MNS1: variants seen among roughly 807,000 people sequenced by gnomAD.
MNS1 encodes meiosis-specific nuclear structural protein 1.
A neutral mutation model predicts 72.0 loss-of-function variants in MNS1; 63 were observed. The ratio of observed to expected loss-of-function variants is 0.87; its 90% CI spans 0.71 to 1.08. The LOEUF (loss-of-function observed/expected upper bound fraction) is 1.08, where lower values mean the gene tolerates loss of function less well. Ranked by LOEUF, MNS1 falls within the 50% of genes least tolerant of loss-of-function variation. The pLI is 0.00. For missense variants in MNS1, 604 were observed against 562.4 expected, an observed-to-expected ratio of 1.07 and a Z score of -0.75; for synonymous variants, 188 against 172.1, an observed-to-expected ratio of 1.09 and a Z score of -0.72.
At chr15:56,461,204 C>A (rs12591109) in intron 2 of MNS1, among the ~76,000 whole-genome samples, 8,576 of 151,994 alleles carry the variant, frequency 0.056, 624 homozygotes, top group East Asian at 0.36. Context: ...AAATGCTAAT[C>A]TCATCCAAAA....
Position 56,443,827 on chromosome 15 carries a change from C to A in MNS1, c.714G>T (p.Met238Ile), listed in dbSNP as rs756437668. Residue 238 changes from methionine (M) to isoleucine (I), a missense_variant, in exon 6 of 10, where the codon ATG becomes ATT. Transcript: ENST00000260453. The stretch of plus-strand genomic sequence containing the variant: ...CTTCTATATACCTTCGCATTGCATT[C>A]ATTTTTTCTAACTTTTGTTGTTTTT... Reference protein sequence around the residue: ...QLEKQQKLEKMNAMRRYIEEF... With the variant: ...QLEKQQKLEKINAMRRYIEEF... The A allele has an allele frequency of 5.0e-6, 8 of 1,603,218 alleles. No homozygotes were observed. The Admixed American group carries it at 6.8e-5, about 14-fold the overall frequency.
intron 9 of MNS1, chr15:56,429,848 A>G (rs1215776690): frequency 6.6e-6 from 1 of 152,210 alleles, no homozygotes; most frequent in Non-Finnish European, 1.5e-5. Flanking sequence ...TTGGATATCA[A>G]GTTTATTAAT....
chr15:56,430,332 G>C (rs1158862279), intron 9 of MNS1, among the ~76,000 whole-genome samples: 1 of 152,076 alleles, frequency 6.6e-6, no homozygotes, highest in African/African-American at 2.4e-5. Flanking sequence ...TCAGCCTCCA[G>C]AGTATCTGGG....
Position 56,444,678 on chromosome 15 carries a change from T to A in MNS1, c.457-5A>T. 6.2e-7 allele frequency: 1 copy of A among 1,605,678 alleles called. No homozygotes were observed. Among genetic ancestry groups the A allele is most frequent in the Non-Finnish European group, 8.5e-7 (1 of 1,175,278 alleles). ...GGCTATTTCAGCATCACGTTTCTGTTATTAAAACAAAATTGATCTTTCCGT... is the reference window on the plus strand; with the variant it reads ...GGCTATTTCAGCATCACGTTTCTGTAATTAAAACAAAATTGATCTTTCCGT... On this transcript the variant is annotated splice_polypyrimidine_tract_variant and splice_region_variant and intron_variant, in intron 4 of 9. Coordinates refer to ENST00000260453, the MANE Select transcript of MNS1 (RefSeq NM_018365.4).
At chr15:56,451,186 A>T (rs1374727229) in intron 3 of MNS1, among the ~76,000 whole-genome samples, 1 of 152,208 alleles carries the variant, frequency 6.6e-6, no homozygotes, top group Admixed American at 6.5e-5. Flanking sequence ...GGTAAAACAG[A>T]TAAGTGCCTT....
chr15:56,459,971 CAA>C (rs2051006150), intron 2 of MNS1, among the ~76,000 whole-genome samples: 1 of 72,340 alleles, frequency 1.4e-5, no homozygotes, highest in Non-Finnish European at 2.6e-5. Flanking sequence ...GCCTGGGCAA[CAA>C]GAGCGAAATT....
At chr15:56,447,451 G>GT (rs1364257027) in intron 3 of MNS1, 1 of 151,146 alleles carries the variant, frequency 6.6e-6, no homozygotes, top group African/African-American at 2.5e-5. Flanking sequence ...TAATTATTTG[G>GT]TTTTTTAAAA....
chr15:56,448,777 G>A (rs1197178609), intron 3 of MNS1, among the ~76,000 whole-genome samples: 5 of 141,560 alleles, frequency 3.5e-5, no homozygotes, highest in East Asian at 2.0e-4. Context: ...TTTTGGAGAC[G>A]GAGTCTCGCT....
At chr15:56,435,935 T>G (rs553670933) in intron 7 of MNS1, among the ~76,000 whole-genome samples, 22 of 152,170 alleles carry the variant, frequency 1.4e-4, no homozygotes, top group African/African-American at 4.8e-4. Context: ...ATTAAAAGAA[T>G]TATTCACCAT....
chr15:56,447,212 T>C (rs1481531106), intron 3 of MNS1: 3 of 249,694 alleles, frequency 1.2e-5, no homozygotes, highest in Non-Finnish European at 2.3e-5. Flanking sequence ...TCAACTGCTG[T>C]AAATTATAAT....
intron 7 of MNS1, 42 bp from the exon 8 acceptor site, chr15:56,434,437 T>C (rs775091301): frequency 1.4e-5 from 22 of 1,549,218 alleles, no homozygotes; most frequent in East Asian, 2.2e-5. Context: ...ACTATTTCCT[T>C]ACACCAGATT....
rs762970095 is a variant in MNS1 at position 56,456,415 on chromosome 15, C to G, written c.332G>C (p.Arg111Thr). Residue 111 changes from arginine to threonine, a missense_variant, in exon 3 of 10, where the codon AGG (arginine) becomes ACG (threonine). By Grantham distance (71) the Arg-to-Thr change is moderately conservative. Transcript: ENST00000260453. ...KHESLKDEKM[R>T]QQVRENSIEL... ...ATACCTGTTTTCTCTTACTTGTTGC[C>G]TCATCTTTTCGTCCTTTAGACTTTC... 22 of 1,608,888 alleles carry G rather than the reference C, an allele frequency of 1.4e-5. No homozygotes were observed. Among genetic ancestry groups the G allele is most frequent in the Non-Finnish European group, 1.9e-5 (22 of 1,178,624 alleles).
rs760223354 is a variant in MNS1, at chr15:56,446,832, C to T, written c.456+9G>A. The T allele has an allele frequency of 1.9e-6, 3 of 1,581,106 alleles. No homozygotes were observed. Among genetic ancestry groups the T allele is most frequent in the East Asian group, 2.2e-5 (1 of 44,558 alleles). ...AAGCTAAAAACATAATGACCAGAAACATGATTACCATTTGTTCATATTTAA... is the reference window on the plus strand; with the variant it reads ...AAGCTAAAAACATAATGACCAGAAATATGATTACCATTTGTTCATATTTAA... On this transcript the variant is annotated intron_variant, in intron 4 of 9. Transcript: ENST00000260453.
At chr15:56,445,030 C>T (rs2050883625) in intron 4 of MNS1, among the ~76,000 whole-genome samples, 1 of 151,982 alleles carries the variant, frequency 6.6e-6, no homozygotes, top group South Asian at 2.1e-4. Flanking sequence ...CTGAGCTAGG[C>T]AATTTTCATC....
Position 56,464,992 on chromosome 15 carries a change from C to T in MNS1, c.-20G>A, listed in dbSNP as rs2140387424. The T allele has an allele frequency of 6.2e-7, 1 of 1,609,232 alleles. No individual in the cohort carries two copies. On this transcript the variant is annotated 5_prime_UTR_variant, in exon 1 of 10. Coordinates refer to ENST00000260453, the MANE Select transcript of MNS1 (RefSeq NM_018365.4). ...CACCATCTTGGCTGACGAAAAATAC[C>T]CCCTCTCGTGGGACCGCGGCCACCA...
chr15:56,449,168 T>C (rs2140367531), intron 3 of MNS1, among the ~76,000 whole-genome samples: 1 of 152,252 alleles, frequency 6.6e-6, no homozygotes, highest in Middle Eastern at 3.4e-3. Flanking sequence ...TCTTGCCCTA[T>C]TGCACTGATT....
intron 3 of MNS1, 180 bp from the exon 4 acceptor site, chr15:56,447,123 T>TA: frequency 1.9e-6 from 1 of 520,290 alleles, no homozygotes. Context: ...CATTAGGGCT[T>TA]ACATTTTCTG....
chr15:56,438,456 ACT>A (rs1331979385), intron 7 of MNS1, among the ~76,000 whole-genome samples: 11 of 152,158 alleles, frequency 7.2e-5, no homozygotes, highest in African/African-American at 1.9e-4. Context: ...GAAAGCTGAA[ACT>A]GGATCCCTTC....
At chr15:56,442,916 A>G (rs2050843507) in intron 7 of MNS1, among the ~76,000 whole-genome samples, 1 of 152,172 alleles carries the variant, frequency 6.6e-6, no homozygotes, top group Admixed American at 6.5e-5. Flanking sequence ...AAAAGAAAAA[A>G]AAAAAAATCT....
Sources: gnomAD v4.1 joint callset for allele counts (sites outside exome capture counted in the v4.1 genomes callset) on GRCh38, gnomAD v4.1.1 for gene constraint, MANE v1.5 for transcripts, NCBI Gene and HGNC (gene_info 2026-07-23, HGNC 2026-07-21) for gene names.